Variants in ACTN1 observed in about 807,000 individuals in gnomAD.
ACTN1 encodes alpha-actinin-1.
Under a neutral mutation model 119.6 loss-of-function variants are expected in ACTN1, and 30 were observed. The observed-to-expected ratio is 0.25, with a 90% CI of 0.19 to 0.34. ACTN1 has a LOEUF of 0.34. Among genes scored for constraint, ACTN1 ranks in the 10% least tolerant of loss-of-function variants. The probability of loss-of-function intolerance (pLI) is 1.00; values close to 1 mark genes in which losing one functional copy is unlikely to be tolerated. For synonymous variants in ACTN1, 429 were observed against 472.6 expected, an observed-to-expected ratio of 0.91 and a Z score of 1.20; for missense variants, 764 against 1,223.4, an observed-to-expected ratio of 0.62 and a Z score of 5.60.
intron 8 of ACTN1, among the ~76,000 whole-genome samples, chr14:68,897,304 T>C (rs1180462126): frequency 6.6e-6 from 1 of 152,250 alleles, no homozygotes; most frequent in Non-Finnish European, 1.5e-5. Context: ...TGTTTTTTTA[T>C]GACCTACTTT....
Position 68,958,968 on chromosome 14 carries a change from G to C in ACTN1, c.105+19984C>G, listed in dbSNP as rs116393277. Among the ~76,000 whole-genome samples the C allele has an allele frequency of 4.5e-3, 681 of 152,304 alleles. 6 individuals are homozygous for C. Among genetic ancestry groups the C allele is most frequent in the African/African-American group, 0.016 (645 of 41,564 alleles). Reference sequence around the variant, plus strand: ...CTCTCATTTTCATAATAAAAAAGCAGCTTTGCCCTTCACATGCTTAGCACC... The same window carrying C: ...CTCTCATTTTCATAATAAAAAAGCACCTTTGCCCTTCACATGCTTAGCACC... On this transcript the variant is annotated intron_variant, in intron 1 of 21. Transcript: ENST00000394419.
At chr14:68,937,049 C>T (rs1015585208) in intron 1 of ACTN1, among the ~76,000 whole-genome samples, 3 of 152,112 alleles carry the variant, frequency 2.0e-5, no homozygotes, top group Non-Finnish European at 4.4e-5. Context: ...CTCTTGTATG[C>T]CTCCTCCTTC....
At chr14:68,963,143 G>GACTC (rs2036593897) in intron 1 of ACTN1, among the ~76,000 whole-genome samples, 1 of 152,108 alleles carries the variant, frequency 6.6e-6, no homozygotes, top group African/African-American at 2.4e-5. Flanking sequence ...CGCTTGGCCT[G>GACTC]ACTCACATAT....
rs2030634694 is a variant in ACTN1, at chr14:68,874,689, A to G, written c.*170T>C. 1 of 564,412 alleles carries G rather than the reference A, an allele frequency of 1.8e-6. No individual in the cohort carries two copies. Among genetic ancestry groups the G allele is most frequent in the Non-Finnish European group, 2.7e-6 (1 of 372,650 alleles). The allele number at this position is 564,412 out of a possible 1,614,324, so 35.0% of individuals were successfully genotyped here. ...AACTTTTTTTTCTTTTTTGCAGAAAATAATTTTGTAAACTGTCACTTCGCG... is the reference window on the plus strand; with the variant it reads ...AACTTTTTTTTCTTTTTTGCAGAAAGTAATTTTGTAAACTGTCACTTCGCG... On this transcript the variant is annotated 3_prime_UTR_variant, in exon 22 of 22. Transcript: ENST00000394419.
intron 1 of ACTN1, among the ~76,000 whole-genome samples, chr14:68,944,994 C>T (rs2035890656): frequency 6.6e-6 from 1 of 151,886 alleles, no homozygotes; most frequent in East Asian, 1.9e-4. Context: ...TGGTGAAACC[C>T]TGTCTCTACT....
At position 68,878,256 on chromosome 14, in the gene ACTN1, T is replaced by G; in HGVS notation, c.2427+202A>C. ...TGGCACAGAGATTGAGGCGAGGAGGTCAGGCCTCCCGGATACACACACGCC... is the reference window on the plus strand; with the variant it reads ...TGGCACAGAGATTGAGGCGAGGAGGGCAGGCCTCCCGGATACACACACGCC... On this transcript the variant is annotated intron_variant, in intron 20 of 21. Transcript: ENST00000394419. This position sits in a 1 kb window ranked among gnomAD's most constrained non-coding sequence, Gnocchi z 4.4. 1 of 620,984 alleles carries G rather than the reference T, an allele frequency of 1.6e-6. No individual in the cohort carries two copies. Among genetic ancestry groups the G allele is most frequent in the Non-Finnish European group, 2.6e-6 (1 of 382,924 alleles). The allele number at this position is 620,984 out of a possible 1,614,324, so 38.5% of individuals were successfully genotyped here. A position where few individuals can be genotyped will look rare whatever the true frequency, so the allele number is the denominator to read the frequency against.
intron 11 of ACTN1, chr14:68,888,335 A>G: frequency 3.5e-6 from 1 of 289,390 alleles, no homozygotes; most frequent in South Asian, 3.4e-5. Flanking sequence ...GTGGCTGGCA[A>G]GGCAACGAGG....
rs1594790025 is a variant in ACTN1 at position 68,904,679 on chromosome 14, T to C, written c.652A>G (p.Ile218Val). The stretch of plus-strand genomic sequence containing the variant: ...CCTTCGGCATCCAGCATCTTGGGGA[T>C]GTCCAGGTACTTCTCTGCCACGTCA... ...AFDVAEKYLD[I>V]PKMLDAEDIV... The change falls in exon 7 of 22, where the codon ATC becomes GTC. Residue 218 changes from isoleucine to valine, a missense_variant. Physicochemically the swap from Ile to Val is conservative, Grantham distance 29. Coordinates refer to ENST00000394419, the MANE Select transcript of ACTN1 (RefSeq NM_001130004.2). 1 of 1,614,164 alleles carries C rather than the reference T, an allele frequency of 6.2e-7. No individual in the cohort carries two copies. Among genetic ancestry groups the C allele is most frequent in the Non-Finnish European group, 8.5e-7 (1 of 1,179,992 alleles).
chr14:68,935,347 C>G (rs1307005408), intron 1 of ACTN1, among the ~76,000 whole-genome samples: 1 of 144,540 alleles, frequency 6.9e-6, no homozygotes, highest in Non-Finnish European at 1.5e-5. Context: ...TTATGATGAT[C>G]TGCTCCCTCT....
At chr14:68,914,261 A>G (rs1485375971) in intron 3 of ACTN1, among the ~76,000 whole-genome samples, 2 of 152,382 alleles carry the variant, frequency 1.3e-5, no homozygotes, top group South Asian at 2.1e-4. Flanking sequence ...GATATTTTAA[A>G]AAATGCACTT....
intron 1 of ACTN1, among the ~76,000 whole-genome samples, chr14:68,957,380 G>A (rs2036383437): frequency 6.6e-6 from 1 of 152,242 alleles, no homozygotes; most frequent in Admixed American, 6.5e-5. Flanking sequence ...TAGAGTGGCA[G>A]GAGAGGGGGC....
Position 68,874,645 on chromosome 14 carries a change from G to GT in ACTN1, c.*213dup, listed in dbSNP as rs2030627658. 4 of 409,900 alleles carry GT rather than the reference G, an allele frequency of 9.8e-6. No homozygotes were observed. The highest frequency in any genetic ancestry group is 4.3e-5 in the Admixed American group (1 of 23,340). The allele number at this position is 409,900 out of a possible 1,614,324, so 25.4% of individuals were successfully genotyped here. The stretch of plus-strand genomic sequence containing the variant: ...TACTTTTTCTATAATAAAATATGTA[G>GT]TTTTTTGGTTTTTAACGTAACTTTT... On this transcript the variant is annotated 3_prime_UTR_variant, in exon 22 of 22. Transcript: ENST00000394419.
chr14:68,962,766 C>T (rs2036581399), intron 1 of ACTN1, among the ~76,000 whole-genome samples: 1 of 152,248 alleles, frequency 6.6e-6, no homozygotes, highest in South Asian at 2.1e-4. Context: ...CTAAGCAGCC[C>T]AGGTCAATCA....
rs188745053 is a variant in ACTN1, at chr14:68,909,639, G to C, written c.516-243C>G. On this transcript the variant is annotated intron_variant, in intron 5 of 21. Transcript: ENST00000394419. This position sits in a 1 kb window ranked among gnomAD's most constrained non-coding sequence, Gnocchi z 4.1. ...ACCTGCCATATCCAGCCCTACCCCC[G>C]ACCAAGGCCTATGGCCCTAGTCTGC... Among the ~76,000 whole-genome samples, 1 of 152,138 alleles carries C rather than the reference G, an allele frequency of 6.6e-6. No homozygotes were observed. The highest frequency in any genetic ancestry group is 1.5e-5 in the Non-Finnish European group (1 of 68,020).
intron 1 of ACTN1, among the ~76,000 whole-genome samples, chr14:68,974,597 G>C (rs1016388164): frequency 1.3e-5 from 2 of 151,946 alleles, no homozygotes; most frequent in Non-Finnish European, 2.9e-5. Flanking sequence ...GCCAGGGAAA[G>C]GTAAGGCTCC....
intron 21 of ACTN1, among the ~76,000 whole-genome samples, chr14:68,876,612 TG>T (rs1208133164): frequency 6.6e-6 from 1 of 152,152 alleles, no homozygotes; most frequent in Admixed American, 6.5e-5. Context: ...GCAGGGTACT[TG>T]GGAGACTGGG....
intron 1 of ACTN1, chr14:68,973,880 G>A (rs2036976209): frequency 6.6e-6 from 1 of 152,224 alleles, no homozygotes; most frequent in African/African-American, 2.4e-5. Context: ...CTCTGTGCCT[G>A]GCCTCTCTGC....
intron 1 of ACTN1, among the ~76,000 whole-genome samples, chr14:68,927,726 G>A (rs1251280706): frequency 6.6e-6 from 1 of 152,204 alleles, no homozygotes; most frequent in East Asian, 1.9e-4. Context: ...TGGCACTGCA[G>A]GAGATGAGAG....
chr14:68,951,054 C>T (rs950575641), intron 1 of ACTN1, among the ~76,000 whole-genome samples: 5 of 152,206 alleles, frequency 3.3e-5, no homozygotes, highest in South Asian at 2.1e-4. Flanking sequence ...CAAGAAGCGA[C>T]GAAGGCAGAC....
Sources: allele counts gnomAD v4.1 joint callset (sites outside exome capture counted in the v4.1 genomes callset), GRCh38; gene constraint gnomAD v4.1.1; non-coding constraint Gnocchi (gnomAD v3.1); transcripts MANE v1.5; gene names NCBI Gene and HGNC (gene_info 2026-07-23, HGNC 2026-07-21).